The following BNC2 variants were observed in gnomAD, a reference collection of about 807,000 sequenced individuals.
The protein encoded by BNC2 is basonuclin zinc finger protein 2, also known as zinc finger protein basonuclin-2.
BNC2 carries 20 observed loss-of-function variants against 76.3 expected under a neutral mutation model. That is an observed-to-expected ratio of 0.26 (90% CI 0.18 to 0.38). BNC2 has a LOEUF of 0.38. Ranked by LOEUF, BNC2 falls within the 10% of genes least tolerant of loss-of-function variation. BNC2 has a pLI of 1.00. For synonymous variants in BNC2, 582 were observed against 514.8 expected, an observed-to-expected ratio of 1.13 and a Z score of -1.77; for missense variants, 1,382 against 1,399.8, an observed-to-expected ratio of 0.99 and a Z score of 0.20.
At chr9:16,510,055 G>C (rs1196219750) in intron 5 of BNC2, among the ~76,000 whole-genome samples, 1 of 152,176 alleles carries the variant, frequency 6.6e-6, no homozygotes. Flanking sequence ...AGATGTTGGA[G>C]AAACCGTTCA....
At chr9:16,597,667 A>G (rs1820130126) in intron 3 of BNC2, among the ~76,000 whole-genome samples, 1 of 152,120 alleles carries the variant, frequency 6.6e-6, no homozygotes, top group South Asian at 2.1e-4. Context: ...ACACAAATAG[A>G]CATATATTTA....
At chr9:16,567,518 A>G (rs1819203340) in intron 4 of BNC2, among the ~76,000 whole-genome samples, 1 of 152,182 alleles carries the variant, frequency 6.6e-6, no homozygotes, top group South Asian at 2.1e-4. Flanking sequence ...AAACCTTCAA[A>G]TAAATTAAAA....
intron 4 of BNC2, among the ~76,000 whole-genome samples, chr9:16,571,433 A>G (rs965354682): frequency 6.6e-6 from 1 of 152,130 alleles, no homozygotes; most frequent in Non-Finnish European, 1.5e-5. Flanking sequence ...TTTTCCTTCT[A>G]TGATCTGTTT....
chr9:16,445,925 C>T (rs1821222226), intron 5 of BNC2, among the ~76,000 whole-genome samples: 1 of 152,132 alleles, frequency 6.6e-6, no homozygotes, highest in East Asian at 1.9e-4. Context: ...TCTTCCTCTG[C>T]CCAAGGGGAA....
At chr9:16,520,254 C>G (rs934113434) in intron 5 of BNC2, among the ~76,000 whole-genome samples, 1 of 152,162 alleles carries the variant, frequency 6.6e-6, no homozygotes, top group African/African-American at 2.4e-5. Context: ...CAGCTTGAAG[C>G]ATTCTTGTCA....
chr9:16,618,459 T>C (rs1053950184), intron 3 of BNC2, among the ~76,000 whole-genome samples: 2 of 152,218 alleles, frequency 1.3e-5, no homozygotes, highest in South Asian at 4.1e-4. Flanking sequence ...GGCCACGGAC[T>C]AGGGACACAA....
chr9:16,660,709 A>C (rs1248615982), intron 3 of BNC2, among the ~76,000 whole-genome samples: 1 of 152,184 alleles, frequency 6.6e-6, no homozygotes, highest in African/African-American at 2.4e-5. Context: ...TGGGTTCTGC[A>C]TCCATGAATT....
At chr9:16,706,023 C>G (rs1297455595) in intron 3 of BNC2, among the ~76,000 whole-genome samples, 1 of 152,162 alleles carries the variant, frequency 6.6e-6, no homozygotes, top group Non-Finnish European at 1.5e-5. Context: ...ACATAACTGA[C>G]AAGCAACTAT....
intron 3 of BNC2, among the ~76,000 whole-genome samples, chr9:16,666,906 G>A (rs989192622): frequency 6.6e-6 from 1 of 151,588 alleles, no homozygotes; most frequent in East Asian, 1.9e-4. Flanking sequence ...TTTTTTTTCT[G>A]CTTCAGTCTA....
At chr9:16,767,084 T>G (rs1563933553) in intron 1 of BNC2, among the ~76,000 whole-genome samples, 1 of 152,248 alleles carries the variant, frequency 6.6e-6, no homozygotes, top group Non-Finnish European at 1.5e-5. Flanking sequence ...GAACATTATA[T>G]ACTTCATTCC....
At chr9:16,740,818 G>C (rs146514559) in intron 1 of BNC2, among the ~76,000 whole-genome samples, 1 of 151,880 alleles carries the variant, frequency 6.6e-6, no homozygotes, top group Non-Finnish European at 1.5e-5. Flanking sequence ...ATATGATCAA[G>C]AGCACAAATG....
At position 16,440,794 on chromosome 9, in the gene BNC2, T is replaced by C. The variant is rs183311672; in HGVS notation, c.670-3270A>G. Among the ~76,000 whole-genome samples, 51 of 152,350 alleles carry C rather than the reference T, an allele frequency of 3.3e-4. 1 individual carries two copies. The highest frequency in any genetic ancestry group is 2.9e-3 in the Admixed American group (44 of 15,304). ...CTGTCTCTGCTAAAATGGAGTCTGT[T>C]ACATTAAACCACTTGCTTCTGGTGA... On this transcript the variant is annotated intron_variant, in intron 5 of 6. Transcript: ENST00000380672.
At chr9:16,521,288 T>G (rs1165368955) in intron 5 of BNC2, among the ~76,000 whole-genome samples, 1 of 152,202 alleles carries the variant, frequency 6.6e-6, no homozygotes, top group Non-Finnish European at 1.5e-5. Context: ...CTACCTCCCC[T>G]GTCTGGTGCT....
At chr9:16,550,485 A>C (rs1818625299) in intron 5 of BNC2, among the ~76,000 whole-genome samples, 3 of 152,260 alleles carry the variant, frequency 2.0e-5, no homozygotes, top group African/African-American at 7.2e-5. Flanking sequence ...TATTTCAAGT[A>C]AAATAAAAAA....
chr9:16,604,680 C>T (rs1173648773), intron 3 of BNC2, among the ~76,000 whole-genome samples: 6 of 152,078 alleles, frequency 3.9e-5, no homozygotes, highest in Non-Finnish European at 7.4e-5. Flanking sequence ...TGGTGGGCGC[C>T]CGTAATCCCA....
At chr9:16,763,438 C>T (rs1039071172) in intron 1 of BNC2, among the ~76,000 whole-genome samples, 3 of 151,996 alleles carry the variant, frequency 2.0e-5, no homozygotes, top group Non-Finnish European at 4.4e-5. Flanking sequence ...GCCATAGTGA[C>T]ATGCACCTGT....
chr9:16,813,810 T>C (rs1295478062), intron 1 of BNC2, among the ~76,000 whole-genome samples: 1 of 152,182 alleles, frequency 6.6e-6, no homozygotes, highest in Non-Finnish European at 1.5e-5. Flanking sequence ...GGTTTTTTGT[T>C]TTTTTGTTTT....
intron 1 of BNC2, among the ~76,000 whole-genome samples, chr9:16,741,673 C>T (rs941629172): frequency 9.9e-5 from 15 of 151,978 alleles, no homozygotes; most frequent in African/African-American, 3.4e-4. Context: ...AAAACATGCA[C>T]CATGACAGGT....
chr9:16,700,603 C>T (rs1416153710), intron 3 of BNC2, among the ~76,000 whole-genome samples: 1 of 152,176 alleles, frequency 6.6e-6, no homozygotes, highest in Non-Finnish European at 1.5e-5. Flanking sequence ...GTGCCAGCAA[C>T]CTGGCTTGTA....
Sources: gnomAD v4.1 joint callset for allele counts (sites outside exome capture counted in the v4.1 genomes callset) on GRCh38, gnomAD v4.1.1 for gene constraint, MANE v1.5 for transcripts, NCBI Gene and HGNC (gene_info 2026-07-23, HGNC 2026-07-21) for gene names.